Variants in ARHGEF7 observed in about 807,000 individuals in gnomAD.
ARHGEF7 encodes the protein PAK-interacting exchange factor beta.
A neutral mutation model predicts 109.8 loss-of-function variants in ARHGEF7; 33 were observed. The observed-to-expected ratio is 0.30, with a 90% confidence interval of 0.23 to 0.40. The LOEUF (loss-of-function observed/expected upper bound fraction) is 0.40. ARHGEF7 is among the 10% of genes least tolerant of loss of function. The probability of loss-of-function intolerance (pLI) is 1.00; values close to 1 mark genes in which losing one functional copy is unlikely to be tolerated. For missense variants in ARHGEF7, 938 were observed against 1,098.5 expected, an observed-to-expected ratio of 0.85 and a Z score of 2.07; for synonymous variants, 458 against 424.6, an observed-to-expected ratio of 1.08 and a Z score of -0.97.
chr13:111,286,039 G>C (rs1275740040), intron 16 of ARHGEF7, 108 bp from the exon 17 acceptor site: 3 of 760,516 alleles, frequency 3.9e-6, no homozygotes, highest in African/African-American at 1.7e-5. Context: ...GCTCTTATCA[G>C]TGGCTATAAT....
intron 1 of ARHGEF7, among the ~76,000 whole-genome samples, chr13:111,143,190 A>G (rs138405205): frequency 2.0e-5 from 3 of 152,334 alleles, no homozygotes; most frequent in Non-Finnish European, 4.4e-5. Context: ...CTTGGTCAAG[A>G]ATAGGACATT....
At chr13:111,221,415 GTCTATATATCTATATATAGA>G (rs2084110827) in intron 5 of ARHGEF7, among the ~76,000 whole-genome samples, 1 of 1,800 alleles carries the variant, frequency 5.6e-4, no homozygotes, top group Non-Finnish European at 1.1e-3. Flanking sequence ...ATATATAGAT[GTCTATATATCTATATATAGA>G]TATATATATC....
At chr13:111,221,254 T>TAG (rs1420091823) in intron 5 of ARHGEF7, among the ~76,000 whole-genome samples, 82 of 55,686 alleles carry the variant, frequency 1.5e-3, no homozygotes, top group South Asian at 3.3e-3. Context: ...TCTATATATA[T>TAG]CTATATAGAT....
chr13:111,175,447 G>A (rs2078050179), intron 2 of ARHGEF7, among the ~76,000 whole-genome samples: 1 of 152,230 alleles, frequency 6.6e-6, no homozygotes, highest in Non-Finnish European at 1.5e-5. Flanking sequence ...CAGTCAGGGT[G>A]TTGCCATGTG....
At chr13:111,154,117 C>G in intron 2 of ARHGEF7, 126 bp downstream of exon 2, 3 of 1,022,110 alleles carry the variant, frequency 2.9e-6, no homozygotes, top group Admixed American at 3.1e-5. Context: ...CCCGGCTGCT[C>G]GAGAGTCCGG....
chr13:111,302,867 A>G (rs1156877043), intron 21 of ARHGEF7, 124 bp from the exon 22 acceptor site: 2 of 1,271,280 alleles, frequency 1.6e-6, no homozygotes, highest in Non-Finnish European at 2.2e-6. Context: ...CTCAGAGCCC[A>G]TAGGCAGCTC....
intron 6 of ARHGEF7, among the ~76,000 whole-genome samples, chr13:111,235,397 C>G (rs1056321113): frequency 1.3e-5 from 2 of 152,196 alleles, no homozygotes; most frequent in African/African-American, 4.8e-5. Flanking sequence ...CCTTCTCTAA[C>G]TGTCCTTTTA....
rs1165161750 is a variant in ARHGEF7 at position 111,292,193 on chromosome 13, G to A, written c.2210G>A (p.Arg737His). ...DDQPSLDSLGRRSSLSRLEPS... is the reference protein window; with the variant it reads ...DDQPSLDSLGHRSSLSRLEPS... ...CAACCAAGCCTAGACTCCCTGGGGC[G>A]TCGCAGTAGCCTTTCTCGTTTGGAG... The change falls in exon 19 of 22, where the codon CGT (arginine) becomes CAT (histidine). Residue 737 changes from arginine to histidine, a missense_variant. Transcript: ENST00000646102. 7 of 1,614,076 alleles carry A rather than the reference G, an allele frequency of 4.3e-6. No individual in the cohort carries two copies. Among genetic ancestry groups the A allele is most frequent in the East Asian group, 2.2e-5 (1 of 44,880 alleles).
chr13:111,200,094 G>T (rs571223000), intron 2 of ARHGEF7, among the ~76,000 whole-genome samples: 5 of 152,044 alleles, frequency 3.3e-5, no homozygotes, highest in Non-Finnish European at 5.9e-5. Context: ...AACACCTAGG[G>T]CGACTTTTCC....
chr13:111,249,841 C>G (rs2089488106), intron 8 of ARHGEF7, among the ~76,000 whole-genome samples: 1 of 152,104 alleles, frequency 6.6e-6, no homozygotes, highest in African/African-American at 2.4e-5. Context: ...GGCCATGACA[C>G]AGGGTTGTGG....
intron 5 of ARHGEF7, among the ~76,000 whole-genome samples, 179 bp downstream of exon 5, chr13:111,218,059 AG>A (rs2083350221): frequency 6.6e-6 from 1 of 152,242 alleles, no homozygotes; most frequent in African/African-American, 2.4e-5. Flanking sequence ...CCTGGCATCA[AG>A]GGCTCTCTAG....
At chr13:111,250,878 G>A (rs2089659707) in intron 8 of ARHGEF7, among the ~76,000 whole-genome samples, 1 of 152,178 alleles carries the variant, frequency 6.6e-6, no homozygotes, top group Admixed American at 6.5e-5. Context: ...GTAAGGGATG[G>A]GAGCAGAGTT....
rs889891814 is a variant in ARHGEF7, at chr13:111,266,012, C to T, written c.951-1536C>T. On this transcript the variant is annotated intron_variant, in intron 8 of 21. Coordinates refer to ENST00000646102, the MANE Select transcript of ARHGEF7 (RefSeq NM_001354046.2). The surrounding 1 kb of genome is among the most constrained non-coding windows in gnomAD (Gnocchi z 4.8). Reference sequence around the variant, plus strand: ...TGTCCCCATGAGTTGTAGGCCTGGACCTTAGACCCAGGCTCCAGCCACCTT... The same window carrying T: ...TGTCCCCATGAGTTGTAGGCCTGGATCTTAGACCCAGGCTCCAGCCACCTT... 6.6e-6 allele frequency among the ~76,000 whole-genome samples: 1 copy of T among 152,188 alleles called. No homozygotes were observed. Among genetic ancestry groups the T allele is most frequent in the African/African-American group, 2.4e-5 (1 of 41,442 alleles).
chr13:111,221,356 T>G lies in ARHGEF7; in HGVS notation c.670+3476T>G, dbSNP rs1233615530. ...CTATATATATCTATATATATGTCTATATATATATCTATATATATATCTATA... is the reference window on the plus strand; with the variant it reads ...CTATATATATCTATATATATGTCTAGATATATATCTATATATATATCTATA... On this transcript the variant is annotated intron_variant, in intron 5 of 21. Transcript: ENST00000646102. Among the ~76,000 whole-genome samples the G allele has an allele frequency of 2.3e-4, 3 of 13,028 alleles. 1 individual carries two copies. The highest frequency in any genetic ancestry group is 6.5e-4 in the Non-Finnish European group (3 of 4,638). The allele number at this position is 13,028 out of a possible 152,430, so 8.5% of individuals were successfully genotyped here.
chr13:111,142,889 G>C (rs1473080545), intron 1 of ARHGEF7, among the ~76,000 whole-genome samples: 3 of 152,222 alleles, frequency 2.0e-5, no homozygotes, highest in Non-Finnish European at 4.4e-5. Context: ...CTTCTCTTAG[G>C]TGGCTCTGAG....
chr13:111,282,279 A>G, intron 15 of ARHGEF7, among the ~76,000 whole-genome samples: 1 of 152,176 alleles, frequency 6.6e-6, no homozygotes, highest in East Asian at 1.9e-4. Context: ...AGCGCCACAC[A>G]GCTTGTTCTC....
At chr13:111,300,064 G>C (rs988732723) in intron 19 of ARHGEF7, among the ~76,000 whole-genome samples, 5 of 152,096 alleles carry the variant, frequency 3.3e-5, no homozygotes, top group South Asian at 2.1e-4. Flanking sequence ...TTTAAAATGA[G>C]TATTTTGATT....
At chr13:111,224,786 A>G (rs191921760) in intron 5 of ARHGEF7, among the ~76,000 whole-genome samples, 5 of 152,296 alleles carry the variant, frequency 3.3e-5, no homozygotes, top group Non-Finnish European at 7.3e-5. Context: ...GAAAAGGACA[A>G]AAGTACCCCA....
chr13:111,133,806 T>TAA (rs1240527102), intron 1 of ARHGEF7, among the ~76,000 whole-genome samples: 2 of 24,502 alleles, frequency 8.2e-5, no homozygotes, highest in African/African-American at 3.1e-4. Flanking sequence ...TATATATATA[T>TAA]ATATATATTT....
Sources: gnomAD v4.1 joint callset for allele counts (sites outside exome capture counted in the v4.1 genomes callset) on GRCh38, gnomAD v4.1.1 for gene constraint, Gnocchi (gnomAD v3.1) non-coding constraint, MANE v1.5 for transcripts, NCBI Gene and HGNC (gene_info 2026-07-23, HGNC 2026-07-21) for gene names.